LARP4: variants seen among roughly 807,000 people sequenced by gnomAD.
The protein encoded by LARP4 is la-related protein 4.
A neutral mutation model predicts 92.9 loss-of-function variants in LARP4; 29 were observed. The ratio of observed to expected loss-of-function variants is 0.31; its 90% CI spans 0.23 to 0.43. The LOEUF (loss-of-function observed/expected upper bound fraction) is 0.43, where lower values mean the gene tolerates loss of function less well. LARP4 is among the 20% of genes least tolerant of loss of function. The pLI is 1.00. For missense variants in LARP4, 732 were observed against 860.0 expected (o/e 0.85, Z 1.86); for synonymous variants, 279 against 284.1 (o/e 0.98, Z 0.18).
rs1319826335 is a variant in LARP4, at chr12:50,473,849, G to T, written c.1668-150G>T. The T allele has an allele frequency of 1.6e-5, 8 of 487,060 alleles. No individual in the cohort carries two copies. In the Admixed American group the frequency reaches 1.9e-4, roughly 12 times the overall value. 30.2% of individuals were successfully genotyped at this position (487,060 alleles called of 1,614,324 possible). The stretch of plus-strand genomic sequence containing the variant: ...GGGGGGTGCGGGGCGGGCAGAGGTT[G>T]CAGTGAGCCAAGAGCATGCCACTAC... On this transcript the variant is annotated intron_variant, in intron 14 of 15. Coordinates refer to ENST00000398473, the MANE Select transcript of LARP4 (RefSeq NM_052879.5).
rs1406453684 is a variant in LARP4 at position 50,454,358 on chromosome 12, A to G, written c.1062A>G (p.Pro354=). 6.2e-7 allele frequency: 1 copy of G among 1,613,672 alleles called. No homozygotes were observed. Among genetic ancestry groups the G allele is most frequent in the Non-Finnish European group, 8.5e-7 (1 of 1,179,914 alleles). ...GTTTTGTGAATGGCTTTAATTCGCC[A>G]GGATCTTATAAAACAAATGCTGCTG... ...NGSFVNGFNS[P]GSYKTNAAAM... is the part of the protein sequence containing the mutation. The change falls in exon 10 of 16, where the codon CCA becomes CCG. Residue 354 remains proline (P), a synonymous_variant. Coordinates refer to ENST00000398473, the MANE Select transcript of LARP4 (RefSeq NM_052879.5).
At chr12:50,426,003 A>C (rs1476467531) in intron 1 of LARP4, among the ~76,000 whole-genome samples, 1 of 151,618 alleles carries the variant, frequency 6.6e-6, no homozygotes, top group Non-Finnish European at 1.5e-5. Flanking sequence ...CTTCTCTAGA[A>C]TCTCTCTACT....
Position 50,473,433 on chromosome 12 carries a change from A to G in LARP4, c.1564A>G (p.Ile522Val), listed in dbSNP as rs200518612. ...YKEKDNEELT[I>V]SCPVPADEQT... ...CTTTAAGGATAATGAAGAGTTGACA[A>G]TTAGTTGCCCAGTGCCTGCAGATGA... Residue 522 changes from isoleucine (I) to valine (V), a missense_variant, in exon 14 of 16, where the codon ATT becomes GTT. Physicochemically the swap from Ile to Val is conservative, Grantham distance 29. Around this residue, in one of 7 missense-constraint regions of LARP4, gnomAD observed 8 missense variants for 23.9 expected, o/e 0.33. Transcript: ENST00000398473. The G allele has an allele frequency of 1.7e-5, 28 of 1,613,466 alleles. No individual in the cohort carries two copies. The highest frequency in any genetic ancestry group is 1.2e-4 in the African/African-American group (9 of 75,028).
chr12:50,475,697 G>A lies in LARP4; in HGVS notation c.2008G>A (p.Ala670Thr), dbSNP rs573470956. Residue 670 changes from alanine to threonine, a missense_variant, in exon 16 of 16, where the codon GCA becomes ACA. Physicochemically the swap from Ala to Thr is moderately conservative, Grantham distance 58 (BLOSUM62 0). Coordinates refer to ENST00000398473, the MANE Select transcript of LARP4 (RefSeq NM_052879.5). ...SVEKPHEKPE[A>T]RASKDYSGFR... Reference sequence around the variant, plus strand: ...TGAGAAACCACATGAGAAGCCAGAAGCAAGGGCTAGTAAGGATTATTCTGG... The same window carrying A: ...TGAGAAACCACATGAGAAGCCAGAAACAAGGGCTAGTAAGGATTATTCTGG... 5.6e-6 allele frequency: 9 copies of A among 1,614,128 alleles called. No individual in the cohort carries two copies. In the African/African-American group the frequency reaches 9.3e-5, roughly 17 times the overall value.
intron 3 of LARP4, among the ~76,000 whole-genome samples, chr12:50,429,662 G>C (rs1949350372): frequency 6.6e-6 from 1 of 152,054 alleles, no homozygotes; most frequent in African/African-American, 2.4e-5. Context: ...TTGTTGAGAG[G>C]GAGTCTCGCT....
At chr12:50,459,650 C>T (rs1459387973) in intron 10 of LARP4, among the ~76,000 whole-genome samples, 2 of 151,810 alleles carry the variant, frequency 1.3e-5, no homozygotes, top group African/African-American at 2.4e-5. Flanking sequence ...ATGGTGAAAC[C>T]CCATCTCTAC....
chr12:50,408,651 G>A (rs867560188), intron 1 of LARP4, among the ~76,000 whole-genome samples: 2 of 152,034 alleles, frequency 1.3e-5, no homozygotes, highest in South Asian at 4.1e-4. Context: ...GCCCTGGAAG[G>A]TCACAGCATA....
chr12:50,409,031 A>G (rs1049204486), intron 1 of LARP4, among the ~76,000 whole-genome samples: 3 of 152,116 alleles, frequency 2.0e-5, no homozygotes, highest in South Asian at 2.1e-4. Context: ...TTTATAGGGC[A>G]GAAAGTTGCA....
At chr12:50,439,460 TG>T (rs201681078) in intron 6 of LARP4, among the ~76,000 whole-genome samples, 1,974 of 152,250 alleles carry the variant, frequency 0.013, 48 homozygotes, top group African/African-American at 0.043. Flanking sequence ...TGTAGTACAG[TG>T]GTACGATCAT....
intron 1 of LARP4, chr12:50,401,298 G>A: frequency 1.9e-6 from 1 of 515,358 alleles, no homozygotes; most frequent in Non-Finnish European, 3.5e-6. Flanking sequence ...TTCAGAGGAA[G>A]GGGAAAGTGT....
chr12:50,411,089 A>G (rs1322219248), intron 1 of LARP4, among the ~76,000 whole-genome samples: 2 of 152,142 alleles, frequency 1.3e-5, no homozygotes, highest in Non-Finnish European at 2.9e-5. Context: ...ATCCGTAGAT[A>G]GTAGTAAGCT....
chr12:50,460,867 C>T (rs1368319560), intron 10 of LARP4, among the ~76,000 whole-genome samples: 3 of 152,044 alleles, frequency 2.0e-5, no homozygotes, highest in East Asian at 1.9e-4. Context: ...GGCGTGAACC[C>T]GGAAGGCAGA....
At chr12:50,468,944 A>G (rs149777503) in intron 13 of LARP4, among the ~76,000 whole-genome samples, 72 of 152,084 alleles carry the variant, frequency 4.7e-4, no homozygotes, top group African/African-American at 1.4e-3. Context: ...CTGCCTAGCT[A>G]TGTTCCTGGG....
At chr12:50,466,039 A>G (rs1004889491) in intron 12 of LARP4, among the ~76,000 whole-genome samples, 1 of 152,198 alleles carries the variant, frequency 6.6e-6, no homozygotes, top group Non-Finnish European at 1.5e-5. Context: ...AAGCTAAGAG[A>G]AAAATGTGTT....
At chr12:50,462,654 C>G (rs756933618) in intron 12 of LARP4, 24 bp downstream of exon 12, 1 of 1,357,812 alleles carries the variant, frequency 7.4e-7, no homozygotes, top group East Asian at 3.4e-5. Flanking sequence ...AACTTTTATT[C>G]AGACTTTTTT....
At chr12:50,427,491 G>C (rs1403904769) in intron 1 of LARP4, among the ~76,000 whole-genome samples, 2 of 152,078 alleles carry the variant, frequency 1.3e-5, no homozygotes, top group Non-Finnish European at 2.9e-5. Context: ...CTCCCAAAGT[G>C]CTGGAATTAC....
At chr12:50,441,922 C>T (rs994735029) in intron 8 of LARP4, among the ~76,000 whole-genome samples, 5 of 152,136 alleles carry the variant, frequency 3.3e-5, no homozygotes, top group Admixed American at 6.5e-5. Flanking sequence ...TTGTGGCACA[C>T]GCCTGTAGTT....
chr12:50,474,786 T>G (rs745406397), intron 15 of LARP4, among the ~76,000 whole-genome samples: 5 of 152,220 alleles, frequency 3.3e-5, no homozygotes, highest in Non-Finnish European at 7.3e-5. Flanking sequence ...TGGTTGTATA[T>G]GTGATACTTA....
intron 1 of LARP4, among the ~76,000 whole-genome samples, chr12:50,404,415 T>A (rs1944413024): frequency 6.6e-6 from 1 of 151,756 alleles, no homozygotes; most frequent in South Asian, 2.1e-4. Flanking sequence ...TTGGGCCCAA[T>A]GTGGTGGCAT....
Sources: gnomAD v4.1 joint callset for allele counts (sites outside exome capture counted in the v4.1 genomes callset) on GRCh38, gnomAD v4.1.1 for gene constraint, gnomAD v4.1.1 regional missense constraint, MANE v1.5 for transcripts, NCBI Gene and HGNC (gene_info 2026-07-23, HGNC 2026-07-21) for gene names.